Variants in ANO3 observed in about 807,000 individuals in gnomAD.
The protein encoded by ANO3 is anoctamin 3, also known as anoctamin-3.
Under a neutral mutation model 144.8 loss-of-function variants are expected in ANO3, and 99 were observed. The observed-to-expected ratio is 0.68, with a 90% CI of 0.58 to 0.81. The LOEUF (loss-of-function observed/expected upper bound fraction) is 0.81. Among genes scored for constraint, ANO3 ranks in the 30% least tolerant of loss-of-function variants. The pLI, the probability that ANO3 is intolerant of heterozygous loss-of-function variation, is 0.00. For synonymous variants in ANO3, 414 were observed against 392.6 expected (o/e 1.05, Z -0.64); for missense variants, 905 against 1,202.2 (o/e 0.75, Z 3.66).
chr11:26,451,245 G>C (rs553848293), intron 3 of ANO3, among the ~76,000 whole-genome samples: 14 of 152,192 alleles, frequency 9.2e-5, no homozygotes, highest in Non-Finnish European at 1.6e-4. Flanking sequence ...AGGTCAGTGG[G>C]TGCAGTGCAC....
intron 18 of ANO3, among the ~76,000 whole-genome samples, chr11:26,629,921 G>T (rs911602918): frequency 1.3e-5 from 2 of 152,164 alleles, no homozygotes; most frequent in African/African-American, 2.4e-5. Flanking sequence ...ATGAGCCACT[G>T]CACCAGGCCT....
At chr11:26,297,095 T>G (rs1281670225) in intron 1 of ANO3, among the ~76,000 whole-genome samples, 1 of 152,106 alleles carries the variant, frequency 6.6e-6, no homozygotes, top group Non-Finnish European at 1.5e-5. Context: ...ATTCAATGTT[T>G]CAGATTACTT....
intron 26 of ANO3, among the ~76,000 whole-genome samples, chr11:26,657,005 A>T (rs910225311): frequency 6.6e-6 from 1 of 152,176 alleles, no homozygotes; most frequent in East Asian, 1.9e-4. Flanking sequence ...AATCCTGTGA[A>T]GAAATTTGGC....
intron 17 of ANO3, among the ~76,000 whole-genome samples, chr11:26,615,414 ATTTTTT>A (rs66840659): frequency 4.6e-5 from 6 of 130,676 alleles, no homozygotes; most frequent in Non-Finnish European, 6.4e-5. Context: ...ATATATATAT[ATTTTTT>A]TTTTTTCAGT....
At chr11:26,340,913 T>C (rs981006381) in intron 1 of ANO3, among the ~76,000 whole-genome samples, 4 of 152,232 alleles carry the variant, frequency 2.6e-5, no homozygotes, top group Non-Finnish European at 5.9e-5. Context: ...CTTTAATTAA[T>C]GAGTTATTAG....
chr11:26,246,074 G>C (rs1419870556), intron 1 of ANO3, among the ~76,000 whole-genome samples: 1 of 152,140 alleles, frequency 6.6e-6, no homozygotes, highest in Non-Finnish European at 1.5e-5. Flanking sequence ...TGTGATCTGG[G>C]AGGAACAGAA....
At chr11:26,362,516 A>C (rs1855955100) in intron 1 of ANO3, among the ~76,000 whole-genome samples, 1 of 152,154 alleles carries the variant, frequency 6.6e-6, no homozygotes, top group Admixed American at 6.6e-5. Context: ...GCCTTATAGC[A>C]ATTATTGAAT....
intron 1 of ANO3, among the ~76,000 whole-genome samples, chr11:26,413,013 A>G (rs1478534547): frequency 2.0e-5 from 3 of 151,976 alleles, no homozygotes; most frequent in Non-Finnish European, 2.9e-5. Context: ...CTATTGTTCC[A>G]GAAGCCAGAG....
intron 14 of ANO3, among the ~76,000 whole-genome samples, chr11:26,567,522 A>T (rs556728123): frequency 7.2e-5 from 11 of 152,128 alleles, no homozygotes; most frequent in African/African-American, 2.6e-4. Context: ...CCTCTCTTAC[A>T]TAATAATTTC....
chr11:26,561,159 G>C (rs779278615), intron 14 of ANO3: 5 of 1,612,428 alleles, frequency 3.1e-6, no homozygotes, highest in African/African-American at 1.3e-5. Flanking sequence ...ATTCAAAGTT[G>C]GATTGTAGTA....
At chr11:26,608,453 C>A (rs538398090) in intron 17 of ANO3, among the ~76,000 whole-genome samples, 1 of 152,164 alleles carries the variant, frequency 6.6e-6, no homozygotes, top group South Asian at 2.1e-4. Context: ...TAATGAAGCA[C>A]TTTTACTGTC....
intron 1 of ANO3, among the ~76,000 whole-genome samples, chr11:26,193,680 CTTAT>C: frequency 6.6e-6 from 1 of 152,060 alleles, no homozygotes; most frequent in Non-Finnish European, 1.5e-5. Context: ...ATTTGATATT[CTTAT>C]TTTTTTACAA....
upstream of ANO3, among the ~76,000 whole-genome samples, chr11:26,305,592 A>G (rs1167518508): frequency 6.6e-6 from 1 of 152,142 alleles, no homozygotes; most frequent in East Asian, 1.9e-4. Flanking sequence ...TTTTCTCAGA[A>G]ACCAATATTT....
chr11:26,262,232 T>C (rs1853206820), intron 1 of ANO3, among the ~76,000 whole-genome samples: 1 of 152,204 alleles, frequency 6.6e-6, no homozygotes, highest in Non-Finnish European at 1.5e-5. Flanking sequence ...AAATGCTCTA[T>C]TTTCTCGTAC....
chr11:26,273,265 C>A (rs1383470704), intron 1 of ANO3, among the ~76,000 whole-genome samples: 2 of 148,150 alleles, frequency 1.3e-5, no homozygotes, highest in Non-Finnish European at 3.0e-5. Flanking sequence ...AATGCCCTGA[C>A]CAGCCAGAGC....
At chr11:26,500,327 G>T (rs189600269) in intron 4 of ANO3, among the ~76,000 whole-genome samples, 6 of 152,126 alleles carry the variant, frequency 3.9e-5, no homozygotes, top group Non-Finnish European at 7.4e-5. Context: ...ATACCTAGGA[G>T]TGAAACTGAT....
At chr11:26,236,929 T>C (rs1852544476) in intron 1 of ANO3, among the ~76,000 whole-genome samples, 1 of 152,182 alleles carries the variant, frequency 6.6e-6, no homozygotes, top group Non-Finnish European at 1.5e-5. Flanking sequence ...ATAAAAGATT[T>C]TTTTTAATTT....
At chr11:26,449,765 T>C (rs1034642668) in intron 3 of ANO3, among the ~76,000 whole-genome samples, 7 of 148,690 alleles carry the variant, frequency 4.7e-5, no homozygotes, top group African/African-American at 1.7e-4. Context: ...TTTTTTTTTT[T>C]CTTTTGAGAT....
intron 8 of ANO3, among the ~76,000 whole-genome samples, chr11:26,534,163 T>G (rs571563671): frequency 6.6e-6 from 1 of 152,198 alleles, no homozygotes; most frequent in Non-Finnish European, 1.5e-5. Flanking sequence ...TGGAAATACA[T>G]TGCTTAAGGT....
Sources: gnomAD v4.1 joint callset for allele counts (sites outside exome capture counted in the v4.1 genomes callset) on GRCh38, gnomAD v4.1.1 for gene constraint, MANE v1.5 for transcripts, NCBI Gene and HGNC (gene_info 2026-07-23, HGNC 2026-07-21) for gene names.